Variants in FRAS1 observed in about 807,000 individuals in gnomAD.
The protein encoded by FRAS1 is extracellular matrix organizing protein FRAS1.
FRAS1 carries 290 observed loss-of-function variants against 435.2 expected under a neutral mutation model. The ratio of observed to expected loss-of-function variants is 0.67; its 90% CI spans 0.61 to 0.73. The LOEUF (loss-of-function observed/expected upper bound fraction) is 0.73, where lower values mean the gene tolerates loss of function less well. Ranked by LOEUF, FRAS1 falls within the 30% of genes least tolerant of loss-of-function variation. FRAS1 has a pLI of 0.00. For synonymous variants in FRAS1, 1,800 were observed against 1,851.0 expected, an observed-to-expected ratio of 0.97 and a Z score of 0.71; for missense variants, 4,860 against 5,001.5, an observed-to-expected ratio of 0.97 and a Z score of 0.85.
At chr4:78,462,301 G>A (rs965393646) in intron 47 of FRAS1, among the ~76,000 whole-genome samples, 1 of 152,072 alleles carries the variant, frequency 6.6e-6, no homozygotes, top group African/African-American at 2.4e-5. Flanking sequence ...CTTGAACCTG[G>A]GAGGTGAAGG....
intron 42 of FRAS1, 87 bp from the exon 43 acceptor site, chr4:78,446,640 T>C (rs1718839369): frequency 2.0e-6 from 3 of 1,493,536 alleles, no homozygotes; most frequent in Non-Finnish European, 2.7e-6. Flanking sequence ...TGAACATTTC[T>C]GTAGCAATGA....
At chr4:78,191,874 T>C (rs1320644851) in intron 2 of FRAS1, among the ~76,000 whole-genome samples, 1 of 152,176 alleles carries the variant, frequency 6.6e-6, no homozygotes, top group African/African-American at 2.4e-5. Context: ...CATGAACTCA[T>C]CATTTTTTAT....
At chr4:78,184,485 G>A (rs1722187963) in intron 2 of FRAS1, among the ~76,000 whole-genome samples, 1 of 152,200 alleles carries the variant, frequency 6.6e-6, no homozygotes, top group Non-Finnish European at 1.5e-5. Flanking sequence ...AGTATAGGCA[G>A]TGCATTGTAT....
rs390762 is a variant in FRAS1 at position 78,358,459 on chromosome 4, G to A, written c.2423-5054G>A. On this transcript the variant is annotated intron_variant, in intron 20 of 73. Coordinates refer to ENST00000512123, the MANE Select transcript of FRAS1 (RefSeq NM_025074.7). ...TTTTCATGCTTGTAGTGGTTAAAAT[G>A]TTATGCTCTGGACTTAGTCTATATA... is the stretch of plus-strand genomic sequence containing the variant. Among the ~76,000 whole-genome samples, 3 of 152,062 alleles carry A rather than the reference G, an allele frequency of 2.0e-5. No homozygotes were observed. In the East Asian group the frequency reaches 5.8e-4, roughly 29 times the overall value.
intron 2 of FRAS1, among the ~76,000 whole-genome samples, chr4:78,126,032 T>C (rs1719332879): frequency 6.6e-6 from 1 of 152,184 alleles, no homozygotes; most frequent in African/African-American, 2.4e-5. Flanking sequence ...TGCAGTGGGC[T>C]CCACCCAGTT....
At chr4:78,132,366 C>T (rs1232690333) in intron 2 of FRAS1, among the ~76,000 whole-genome samples, 1 of 152,146 alleles carries the variant, frequency 6.6e-6, no homozygotes, top group Non-Finnish European at 1.5e-5. Flanking sequence ...AAAGCAAAAA[C>T]AAAACCAAAA....
In FRAS1 at chr4:78,134,135, A is replaced by G. The variant is rs1187482454; in HGVS notation, c.108+68119A>G. Among the ~76,000 whole-genome samples, 7 of 151,486 alleles carry G rather than the reference A, an allele frequency of 4.6e-5. No homozygotes were observed. The East Asian group carries it at 1.2e-3, about 25-fold the overall frequency. On this transcript the variant is annotated intron_variant, in intron 2 of 73. Coordinates refer to ENST00000512123, the MANE Select transcript of FRAS1 (RefSeq NM_025074.7). ...CACCATGCCTGGCTAATTTTTTTGTATTTTTGTAGAGGTGGGGTTTCGAGA... is the reference window on the plus strand; with the variant it reads ...CACCATGCCTGGCTAATTTTTTTGTGTTTTTGTAGAGGTGGGGTTTCGAGA...
At chr4:78,456,153 T>TTTTTTC (rs1560738538) in intron 47 of FRAS1, among the ~76,000 whole-genome samples, 2 of 142,840 alleles carry the variant, frequency 1.4e-5, no homozygotes, top group African/African-American at 5.3e-5. Context: ...TTTTTTTTTT[T>TTTTTTC]TTTTTTTTGA....
rs201223320 is a variant in FRAS1 at position 78,450,310 on chromosome 4, G to A, written c.6434G>A (p.Arg2145Gln). Residue 2145 changes from arginine (R) to glutamine (Q), a missense_variant, in exon 45 of 74, where the codon CGA becomes CAA. Physicochemically the swap from Arg to Gln is conservative, Grantham distance 43. Coordinates refer to ENST00000512123, the MANE Select transcript of FRAS1 (RefSeq NM_025074.7). ...CAAATTTCTATTAAAGGCCCCATCC[G>A]AAGTTTCACCCAGGCAGACATTAGC... is the stretch of plus-strand genomic sequence containing the variant. The part of the protein sequence containing the change: ...LEQISIKGPI[R>Q]SFTQADISQG... 1.5e-5 allele frequency: 25 copies of A among 1,613,682 alleles called. No individual in the cohort carries two copies. Among genetic ancestry groups the A allele is most frequent in the East Asian group, 4.5e-5 (2 of 44,890 alleles).
Position 78,292,386 on chromosome 4 carries a change from A to G in FRAS1, c.1534+5847A>G, listed in dbSNP as rs183373175. On this transcript the variant is annotated intron_variant, in intron 14 of 73. Transcript: ENST00000512123. ...GCCAATATTGTGACATATTTAGAGG[A>G]AAAGTTTATAATAAAAAAACCTATA... 4.5e-4 allele frequency among the ~76,000 whole-genome samples: 68 copies of G among 152,356 alleles called. 1 individual carries two copies. The East Asian group carries it at 0.012, about 28-fold the overall frequency.
At chr4:78,101,553 A>G (rs1366552236) in intron 2 of FRAS1, among the ~76,000 whole-genome samples, 1 of 152,072 alleles carries the variant, frequency 6.6e-6, no homozygotes, top group Non-Finnish European at 1.5e-5. Context: ...CATCCAAAGC[A>G]TTTGGTAGTG....
chr4:78,181,061 G>A lies in FRAS1; in HGVS notation c.109-56449G>A, dbSNP rs1721978928. ...ACGTTATATCATTTGCTGGCTTCTG[G>A]AAATGATGGTCCATAACTGAATCCT... On this transcript the variant is annotated intron_variant, in intron 2 of 73. Coordinates refer to ENST00000512123, the MANE Select transcript of FRAS1 (RefSeq NM_025074.7). The A allele has an allele frequency of 5.1e-6, 8 of 1,574,168 alleles. No homozygotes were observed. In the Admixed American group the frequency reaches 1.2e-4, roughly 23 times the overall value.
At chr4:78,487,677 A>G (rs1720213288) in intron 58 of FRAS1, among the ~76,000 whole-genome samples, 1 of 152,210 alleles carries the variant, frequency 6.6e-6, no homozygotes, top group African/African-American at 2.4e-5. Flanking sequence ...AATAGAAACC[A>G]TAATATATTA....
chr4:78,519,567 G>A lies in FRAS1; in HGVS notation c.10540+86G>A, dbSNP rs1393612044. The A allele has an allele frequency of 2.8e-6, 4 of 1,443,012 alleles. No individual in the cohort carries two copies. The East Asian group carries it at 9.4e-5, about 34-fold the overall frequency. The allele number at this position is 1,443,012 out of a possible 1,614,324, so 89.4% of individuals were successfully genotyped here. ...AGAAGAGTAGTGACTTTTAACAGTAGCTGCATTTCTCATCCTGTTATCCCG... is the reference window on the plus strand; with the variant it reads ...AGAAGAGTAGTGACTTTTAACAGTAACTGCATTTCTCATCCTGTTATCCCG... On this transcript the variant is annotated intron_variant, in intron 67 of 73. Coordinates refer to ENST00000512123, the MANE Select transcript of FRAS1 (RefSeq NM_025074.7).
At chr4:78,343,714 A>G (rs1730489987) in intron 20 of FRAS1, among the ~76,000 whole-genome samples, 1 of 152,214 alleles carries the variant, frequency 6.6e-6, no homozygotes, top group Non-Finnish European at 1.5e-5. Flanking sequence ...ATAAGCTGAT[A>G]CAACTGCAGC....
chr4:78,203,336 C>T (rs1578183518), intron 2 of FRAS1, among the ~76,000 whole-genome samples: 3 of 152,090 alleles, frequency 2.0e-5, no homozygotes, highest in African/African-American at 7.2e-5. Flanking sequence ...AAAGTACAGC[C>T]AATCCTCATT....
intron 11 of FRAS1, among the ~76,000 whole-genome samples, chr4:78,282,187 A>C (rs1446591871): frequency 1.3e-5 from 2 of 152,318 alleles, no homozygotes; most frequent in East Asian, 3.9e-4. Context: ...TCCTGTTAGC[A>C]AAAATGAATT....
In FRAS1 at chr4:78,513,404, G is replaced by A. The variant is rs779763231; in HGVS notation, c.10026G>A (p.Ser3342=). ...HKEHPNRIHI[S]VQIPHQDGML... ...TTTTTCCCCCTAGAATCCACATTTCGGTGCAGATCCCACACCAGGATGGAA... is the reference window on the plus strand; with the variant it reads ...TTTTTCCCCCTAGAATCCACATTTCAGTGCAGATCCCACACCAGGATGGAA... The change falls in exon 65 of 74, where the codon TCG becomes TCA. Residue 3342 remains serine (S), a synonymous_variant. Transcript: ENST00000512123. 1.1e-4 allele frequency: 174 copies of A among 1,613,382 alleles called. No homozygotes were observed. The highest frequency in any genetic ancestry group is 1.3e-4 in the Non-Finnish European group (155 of 1,179,688).
intron 14 of FRAS1, 88 bp downstream of exon 14, chr4:78,286,627 C>G: frequency 1.4e-6 from 2 of 1,412,808 alleles, no homozygotes; most frequent in Non-Finnish European, 1.9e-6. Context: ...ACACCAGGAG[C>G]TGGAAGCACT....
Sources: gnomAD v4.1 joint callset for allele counts (sites outside exome capture counted in the v4.1 genomes callset) on GRCh38, gnomAD v4.1.1 for gene constraint, MANE v1.5 for transcripts, NCBI Gene and HGNC (gene_info 2026-07-23, HGNC 2026-07-21) for gene names.